Variants in NCOR2 observed in about 807,000 individuals in gnomAD.
NCOR2 encodes the protein nuclear receptor corepressor 2, also known as CTG repeat protein 26.
NCOR2 carries 81 observed loss-of-function variants against 262.9 expected under a neutral mutation model. The ratio of observed to expected loss-of-function variants is 0.31; its 90% CI spans 0.26 to 0.37. NCOR2 has a LOEUF of 0.37. Ranked by LOEUF, NCOR2 falls within the 10% of genes least tolerant of loss-of-function variation. The probability of loss-of-function intolerance (pLI) is 1.00; values close to 1 mark genes in which losing one functional copy is unlikely to be tolerated. For missense variants in NCOR2, 3,385 were observed against 3,621.4 expected (o/e 0.93, Z 1.68); for synonymous variants, 1,659 against 1,559.3 (o/e 1.06, Z -1.51).
At chr12:124,496,786 T>A (rs1215936772), upstream of NCOR2, among the ~76,000 whole-genome samples, 1 of 150,850 alleles carries the variant, frequency 6.6e-6, no homozygotes, top group Non-Finnish European at 1.5e-5. This position sits in a 1 kb window ranked among gnomAD's most constrained non-coding sequence, Gnocchi z 4.4. Flanking sequence ...CCAATCAGAG[T>A]CCTGCATGCT....
chr12:124,445,594 G>A (rs1268822414), intron 7 of NCOR2, among the ~76,000 whole-genome samples: 3 of 152,184 alleles, frequency 2.0e-5, no homozygotes, highest in South Asian at 2.1e-4. Context: ...TGACAGCAGC[G>A]GGGGCGAGGA....
At chr12:124,349,717 A>C (rs1454708391) in intron 28 of NCOR2, among the ~76,000 whole-genome samples, 1 of 152,198 alleles carries the variant, frequency 6.6e-6, no homozygotes, top group Non-Finnish European at 1.5e-5. Context: ...ATAAAGGCTC[A>C]GGCACTGGTC....
chr12:124,527,703 G>A (rs1181535880), intron 1 of NCOR2, among the ~76,000 whole-genome samples: 1 of 152,156 alleles, frequency 6.6e-6, no homozygotes, highest in African/African-American at 2.4e-5. Context: ...CATTACAGAC[G>A]TGAGCCACTG....
intron 13 of NCOR2, among the ~76,000 whole-genome samples, chr12:124,412,593 C>A (rs1445097279): frequency 2.0e-5 from 3 of 152,248 alleles, no homozygotes; most frequent in Non-Finnish European, 4.4e-5. Flanking sequence ...CCACCCCAAA[C>A]ACCTGGGAAG....
chr12:124,388,805 G>T, intron 16 of NCOR2: 1 of 1,300,086 alleles, frequency 7.7e-7, no homozygotes, highest in South Asian at 1.2e-5. Context: ...GCTCTGCGAG[G>T]CTGCTGGTTG....
rs901275546 is a variant in NCOR2 at position 124,378,597 on chromosome 12, C to T, written c.2020-213G>A. Among the ~76,000 whole-genome samples, 2 of 152,346 alleles carry T rather than the reference C, an allele frequency of 1.3e-5. No homozygotes were observed. Among genetic ancestry groups the T allele is most frequent in the East Asian group, 1.9e-4 (1 of 5,188 alleles). ...TTATTCTTCCATTGAGCCCCAGATA[C>T]ACTCTGGGTACAGGCTGGCCCCTCA... On this transcript the variant is annotated intron_variant, in intron 17 of 46. Coordinates refer to ENST00000405201, the Ensembl canonical transcript of NCOR2. The surrounding 1 kb of genome is among the most constrained non-coding windows in gnomAD (Gnocchi z 4.2).
chr12:124,446,886 T>G (rs1347992735), intron 7 of NCOR2, among the ~76,000 whole-genome samples: 1 of 152,222 alleles, frequency 6.6e-6, no homozygotes, highest in East Asian at 1.9e-4. Flanking sequence ...GAAATCTTAA[T>G]TATTCATCTA....
At chr12:124,487,492 C>T (rs1328224193) in intron 1 of NCOR2, among the ~76,000 whole-genome samples, 2 of 152,282 alleles carry the variant, frequency 1.3e-5, no homozygotes, top group African/African-American at 4.8e-5. Flanking sequence ...CTCTACGGGG[C>T]CTCGGCCTTG....
At chr12:124,525,506 C>T (rs1361230702) in intron 1 of NCOR2, among the ~76,000 whole-genome samples, 2 of 152,248 alleles carry the variant, frequency 1.3e-5, no homozygotes, top group Non-Finnish European at 2.9e-5. Flanking sequence ...TGCTGTTTGC[C>T]ATCCCCTCAA....
exon 46 of NCOR2, chr12:124,326,356 C>A: frequency 6.7e-7 from 1 of 1,497,802 alleles, no homozygotes; most frequent in Non-Finnish European, 8.9e-7. Context: ...GAGACCTTGG[C>A]CTTCCCGCCG....
At chr12:124,550,878 G>A (rs1422059164) in intron 1 of NCOR2, among the ~76,000 whole-genome samples, 1 of 152,196 alleles carries the variant, frequency 6.6e-6, no homozygotes, top group African/African-American at 2.4e-5. Flanking sequence ...GGCACCCAGA[G>A]GTGCTCTCTA....
intron 1 of NCOR2, among the ~76,000 whole-genome samples, chr12:124,528,173 A>G (rs1435342162): frequency 6.6e-6 from 1 of 152,106 alleles, no homozygotes; most frequent in Non-Finnish European, 1.5e-5. Context: ...CCCCTACAGC[A>G]GCGCCTCCCC....
At chr12:124,360,875 C>T (rs930070940) in intron 22 of NCOR2, among the ~76,000 whole-genome samples, 4 of 152,132 alleles carry the variant, frequency 2.6e-5, no homozygotes, top group Non-Finnish European at 5.9e-5. Context: ...ACTCTAAAAC[C>T]ATCTTGCTTC....
At chr12:124,496,008 G>A (rs531411981), upstream of NCOR2, among the ~76,000 whole-genome samples, 1 of 152,214 alleles carries the variant, frequency 6.6e-6, no homozygotes, top group Non-Finnish European at 1.5e-5. The surrounding 1 kb of genome is among the most constrained non-coding windows in gnomAD (Gnocchi z 4.4). Flanking sequence ...ACAGCCAGTC[G>A]GGCCCTGCAG....
intron 20 of NCOR2, among the ~76,000 whole-genome samples, chr12:124,369,231 T>G (rs2039286575): frequency 6.6e-6 from 1 of 151,926 alleles, no homozygotes; most frequent in Non-Finnish European, 1.5e-5. Flanking sequence ...GGCTCGGGGT[T>G]TTGCAATTGA....
chr12:124,479,246 A>T (rs2047269252), intron 3 of NCOR2, among the ~76,000 whole-genome samples: 1 of 152,138 alleles, frequency 6.6e-6, no homozygotes, highest in Non-Finnish European at 1.5e-5. Context: ...GCACATGCAC[A>T]CACACGCACA....
At chr12:124,400,896 C>G (rs917412343) in intron 14 of NCOR2, among the ~76,000 whole-genome samples, 28 of 152,154 alleles carry the variant, frequency 1.8e-4, no homozygotes, top group African/African-American at 6.8e-4. Flanking sequence ...CAGGACAACA[C>G]CATGCTATTT....
At chr12:124,404,206 G>A (rs757074500) in intron 13 of NCOR2, among the ~76,000 whole-genome samples, 8 of 152,220 alleles carry the variant, frequency 5.3e-5, no homozygotes, top group Non-Finnish European at 8.8e-5. Flanking sequence ...GTAGGGACCC[G>A]GGGAGGGAGG....
chr12:124,336,702 G>A (rs2035937149), intron 38 of NCOR2, 51 bp downstream of exon 40: 1 of 1,597,574 alleles, frequency 6.3e-7, no homozygotes, highest in Non-Finnish European at 8.5e-7. Context: ...TGAGCAATTT[G>A]ACGCATGATA....
Sources: allele counts gnomAD v4.1 joint callset (sites outside exome capture counted in the v4.1 genomes callset), GRCh38; gene constraint gnomAD v4.1.1; non-coding constraint Gnocchi (gnomAD v3.1); transcripts MANE v1.5; gene names NCBI Gene and HGNC (gene_info 2026-07-23, HGNC 2026-07-21).